NBAS: variants seen among roughly 807,000 people sequenced by gnomAD.
The protein encoded by NBAS is NBAS subunit of NRZ tethering complex.
A neutral mutation model predicts 302.5 loss-of-function variants in NBAS; 219 were observed. The observed-to-expected ratio is 0.72, with a 90% CI of 0.65 to 0.81. The LOEUF is 0.81. Ranked by LOEUF, NBAS falls within the 30% of genes least tolerant of loss-of-function variation. The pLI, the probability that NBAS is intolerant of heterozygous loss-of-function variation, is 0.00. For missense variants in NBAS, 2,932 were observed against 2,841.6 expected (o/e 1.03, Z -0.72); for synonymous variants, 1,118 against 1,021.6 (o/e 1.09, Z -1.80).
the NBAS span, among the ~76,000 whole-genome samples, chr2:14,839,424 A>G: frequency 6.6e-6 from 1 of 152,024 alleles, no homozygotes; most frequent in African/African-American, 2.4e-5. Flanking sequence ...AGAGTGACTG[A>G]GAAGAGAAAT....
intron 21 of NBAS, among the ~76,000 whole-genome samples, chr2:15,456,096 T>C (rs1260843476): frequency 6.6e-6 from 1 of 152,166 alleles, no homozygotes; most frequent in Non-Finnish European, 1.5e-5. Context: ...CAGGTGGCTA[T>C]AAAAAGATGC....
the NBAS span, among the ~76,000 whole-genome samples, chr2:15,121,216 A>AGGC: frequency 6.9e-4 from 105 of 152,326 alleles, 4 homozygotes; most frequent in South Asian, 0.021. Flanking sequence ...CTGCTTTGAC[A>AGGC]TCCTGAAGAA....
chr2:15,358,434 G>A (rs552291958), intron 32 of NBAS, among the ~76,000 whole-genome samples: 1 of 152,028 alleles, frequency 6.6e-6, no homozygotes, highest in South Asian at 2.1e-4. Context: ...ATGTGCGCGT[G>A]TGCCCGTGTG....
At chr2:15,427,603 G>C in intron 22 of NBAS, 108 bp downstream of exon 22, 3 of 894,138 alleles carry the variant, frequency 3.4e-6, no homozygotes, top group East Asian at 2.6e-5. Flanking sequence ...TTCTAAATTA[G>C]GGAGTGTCAT....
At chr2:15,013,991 CA>C in the NBAS span, among the ~76,000 whole-genome samples, 1 of 151,762 alleles carries the variant, frequency 6.6e-6, no homozygotes, top group African/African-American at 2.4e-5. Context: ...CAAAAGCAAA[CA>C]AAAGTAGCTA....
At chr2:14,870,167 A>G in the NBAS span, among the ~76,000 whole-genome samples, 1 of 152,142 alleles carries the variant, frequency 6.6e-6, no homozygotes, top group East Asian at 1.9e-4. Flanking sequence ...TCTACAGTGC[A>G]AGGAGGGGAG....
chr2:14,990,965 G>A, the NBAS span, among the ~76,000 whole-genome samples: 1 of 152,196 alleles, frequency 6.6e-6, no homozygotes, highest in African/African-American at 2.4e-5. Flanking sequence ...GCCCCAGGGA[G>A]CAGGGACAGC....
At chr2:15,258,054 T>C (rs975119557) in intron 44 of NBAS, among the ~76,000 whole-genome samples, 1 of 152,222 alleles carries the variant, frequency 6.6e-6, no homozygotes, top group South Asian at 2.1e-4. Flanking sequence ...AATAAATCAA[T>C]GTTGCGGGAA....
intron 17 of NBAS, 126 bp downstream of exon 17, chr2:15,468,249 CAGTATTG>C (rs1679809763): frequency 9.8e-6 from 10 of 1,025,574 alleles, no homozygotes; most frequent in Admixed American, 1.9e-5. Flanking sequence ...TCAGGTAAGA[CAGTATTG>C]ATCAAAAGCA....
At chr2:15,480,825 T>G (rs1400973459) in intron 12 of NBAS, among the ~76,000 whole-genome samples, 1 of 152,188 alleles carries the variant, frequency 6.6e-6, no homozygotes, top group Admixed American at 6.5e-5. Context: ...TTTATTGAGG[T>G]GATCTTAGCA....
intron 11 of NBAS, among the ~76,000 whole-genome samples, chr2:15,496,348 T>A (rs769789897): frequency 6.6e-6 from 1 of 152,042 alleles, no homozygotes. Flanking sequence ...CAGGTGATAA[T>A]TAAGGGATGC....
At chr2:15,141,396 G>A in the NBAS span, among the ~76,000 whole-genome samples, 6 of 152,170 alleles carry the variant, frequency 3.9e-5, no homozygotes, top group African/African-American at 1.2e-4. Context: ...TTTTACAGAC[G>A]ACAACAGTGA....
At chr2:15,529,708 G>A (rs1262459572) in intron 9 of NBAS, among the ~76,000 whole-genome samples, 1 of 152,028 alleles carries the variant, frequency 6.6e-6, no homozygotes, top group African/African-American at 2.4e-5. Context: ...ACAAAGAACT[G>A]AGCATGTCAC....
the NBAS span, among the ~76,000 whole-genome samples, chr2:15,030,516 T>C: frequency 2.0e-5 from 3 of 152,252 alleles, no homozygotes; most frequent in East Asian, 5.8e-4. Flanking sequence ...GTAGGCTCCA[T>C]TCCCAATGCC....
chr2:15,478,944 A>G (rs1187146354), intron 12 of NBAS, among the ~76,000 whole-genome samples: 1 of 152,196 alleles, frequency 6.6e-6, no homozygotes, highest in Non-Finnish European at 1.5e-5. Context: ...AGTCTCTGGA[A>G]TTACAATAGT....
At chr2:15,511,874 T>A (rs1162980952) in intron 9 of NBAS, among the ~76,000 whole-genome samples, 2 of 152,176 alleles carry the variant, frequency 1.3e-5, no homozygotes. Flanking sequence ...TTTGTTACAC[T>A]CCATTCATAA....
the NBAS span, among the ~76,000 whole-genome samples, chr2:14,889,286 C>A: frequency 6.6e-6 from 1 of 152,186 alleles, no homozygotes; most frequent in Non-Finnish European, 1.5e-5. Flanking sequence ...TGCTGCTCAA[C>A]AAATGTCTGC....
chr2:15,440,400 G>C (rs181607576), intron 21 of NBAS, among the ~76,000 whole-genome samples: 1 of 152,324 alleles, frequency 6.6e-6, no homozygotes, highest in African/African-American at 2.4e-5. Flanking sequence ...GGCAAACAGG[G>C]TCTGGAGTGG....
rs1424484809 is a variant in NBAS, at chr2:15,471,002, A to ATTTATG, written c.1725+2219_1725+2220insCATAAA. 2.6e-5 allele frequency among the ~76,000 whole-genome samples: 4 copies of ATTTATG among 152,142 alleles called. No individual in the cohort carries two copies. In the East Asian group the frequency reaches 7.7e-4, roughly 29 times the overall value. ...AAAATCATAAGCTCCCTATGAGCAAAAGCCACATTTATGCCTGTCCTGTAC... is the reference window on the plus strand; with the variant it reads ...AAAATCATAAGCTCCCTATGAGCAAATTTATGAGCCACATTTATGCCTGTCCTGTAC... On this transcript the variant is annotated intron_variant, in intron 16 of 51. Transcript: ENST00000281513.
Sources: allele counts gnomAD v4.1 joint callset (sites outside exome capture counted in the v4.1 genomes callset), GRCh38; gene constraint gnomAD v4.1.1; transcripts MANE v1.5; gene names NCBI Gene and HGNC (gene_info 2026-07-23, HGNC 2026-07-21).